The following PRKDC variants were observed in gnomAD, a reference collection of about 807,000 sequenced individuals.
PRKDC encodes DNA-dependent protein kinase catalytic subunit.
A neutral mutation model predicts 486.9 loss-of-function variants in PRKDC; 82 were observed. The observed-to-expected ratio is 0.17, with a 90% CI of 0.14 to 0.20. The LOEUF (loss-of-function observed/expected upper bound fraction) is 0.20, where lower values mean the gene tolerates loss of function less well. PRKDC is among the 10% of genes least tolerant of loss of function. The pLI is 1.00. For synonymous variants in PRKDC, 1,895 were observed against 1,837.0 expected, an observed-to-expected ratio of 1.03 and a Z score of -0.81; for missense variants, 4,504 against 5,038.2, an observed-to-expected ratio of 0.89 and a Z score of 3.21.
chr8:47,876,438 G>C (rs914656790), intron 40 of PRKDC, among the ~76,000 whole-genome samples: 2 of 152,226 alleles, frequency 1.3e-5, no homozygotes, highest in South Asian at 2.1e-4. Context: ...GAGGCAAGCA[G>C]ATCATTTGAG....
chr8:47,922,471 C>CA (rs5891258), intron 21 of PRKDC, among the ~76,000 whole-genome samples: 78,254 of 145,836 alleles, frequency 0.54, 23,441 homozygotes, highest in African/African-American at 0.83. Context: ...TATTTCGTCT[C>CA]AAAAAAAAAA....
intron 68 of PRKDC, among the ~76,000 whole-genome samples, chr8:47,816,426 CCAT>C (rs1037012638): frequency 2.0e-5 from 3 of 152,070 alleles, no homozygotes; most frequent in Admixed American, 6.6e-5. Context: ...TAAATAGAGT[CCAT>C]CATTCTGTAC....
intron 51 of PRKDC, 101 bp from the exon 52 acceptor site, chr8:47,852,885 A>C: frequency 1.3e-6 from 1 of 757,294 alleles, no homozygotes; most frequent in Non-Finnish European, 2.2e-6. Flanking sequence ...TGACAGCCTA[A>C]GTTGAGGAAA....
At chr8:47,855,450 T>C in intron 49 of PRKDC, 77 bp from the exon 50 acceptor site, 1 of 1,410,490 alleles carries the variant, frequency 7.1e-7, no homozygotes, top group South Asian at 1.4e-5. Flanking sequence ...AGTTCATTTA[T>C]AAAAGAAATC....
rs774264545 is a variant in PRKDC, at chr8:47,849,401, T to G, written c.7108A>C (p.Ser2370Arg). Residue 2370 changes from serine to arginine, a missense_variant, in exon 53 of 86, where the codon AGC (serine) becomes CGC (arginine). By Grantham distance (110) the Ser-to-Arg change is moderately radical (BLOSUM62 -1). Transcript: ENST00000314191. ...TACCTGTCTGCAAGAGGAGGGAAGC[T>G]CTTGGTCACTTTGTTCAAGCACACA... ...FIVCLNKVTKSFPPLADRFMN... is the reference protein window; with the variant it reads ...FIVCLNKVTKRFPPLADRFMN... The G allele has an allele frequency of 6.2e-7, 1 of 1,614,046 alleles. No individual in the cohort carries two copies. The highest frequency in any genetic ancestry group is 2.2e-5 in the East Asian group (1 of 44,888).
chr8:47,856,370 G>C (rs529080118), intron 49 of PRKDC, among the ~76,000 whole-genome samples: 1 of 152,174 alleles, frequency 6.6e-6, no homozygotes, highest in South Asian at 2.1e-4. Context: ...TAGGATTATA[G>C]ACATGCAGCA....
At chr8:47,811,406 T>C (rs1377027643) in intron 68 of PRKDC, among the ~76,000 whole-genome samples, 1 of 152,186 alleles carries the variant, frequency 6.6e-6, no homozygotes, top group Non-Finnish European at 1.5e-5. Flanking sequence ...TTACAAGAAC[T>C]GCTAAACGAA....
Position 47,888,705 on chromosome 8 carries a change from A to G in PRKDC, c.4281-55T>C, listed in dbSNP as rs191281751. On this transcript the variant is annotated intron_variant, in intron 33 of 85. Transcript: ENST00000314191. ...TGAGCTCTGATCTCGTTAAATTATC[A>G]AGATACACTGAAAAAAATGTTTGCA... The G allele has an allele frequency of 6.0e-6, 9 of 1,489,950 alleles. No homozygotes were observed. The Admixed American group carries it at 1.8e-4, about 29-fold the overall frequency. 92.3% of individuals were successfully genotyped at this position (1,489,950 alleles called of 1,614,324 possible). A position where few individuals can be genotyped will look rare whatever the true frequency, so the allele number is the denominator to read the frequency against.
At chr8:47,812,615 A>G (rs2087353115) in intron 68 of PRKDC, among the ~76,000 whole-genome samples, 1 of 152,232 alleles carries the variant, frequency 6.6e-6, no homozygotes, top group Admixed American at 6.5e-5. Flanking sequence ...AGGGACACAA[A>G]TAACTTTAAA....
rs532421981 is a variant in PRKDC, at chr8:47,868,079, T to C, written c.5364-3316A>G. On this transcript the variant is annotated intron_variant, in intron 40 of 85. Transcript: ENST00000314191. ...ATAATGTTTTGTGGGTGTTGCTGAA[T>C]AGCTTAATGTATCTTTAAAAATTTT... Among the ~76,000 whole-genome samples the C allele has an allele frequency of 3.9e-5, 6 of 152,314 alleles. No individual in the cohort carries two copies. In the South Asian group the frequency reaches 1.2e-3, roughly 32 times the overall value.
chr8:47,806,447 T>G (rs1452856984), intron 69 of PRKDC, among the ~76,000 whole-genome samples: 1 of 152,210 alleles, frequency 6.6e-6, no homozygotes, highest in Non-Finnish European at 1.5e-5. Flanking sequence ...TCTTACTTGA[T>G]ATTACACTCA....
rs1393084710 is a variant in PRKDC, at chr8:47,886,063, A to G, written c.4657T>C (p.Phe1553Leu). The G allele has an allele frequency of 3.1e-6, 5 of 1,613,630 alleles. No homozygotes were observed. In the Admixed American group the frequency reaches 8.3e-5, roughly 27 times the overall value. ...CTATAGAAATACTCCCCATGGGAGA[A>G]GTGGATGACGCTGCCCTGTGAGCTG... ...LGSSQGSVIH[F>L]SHGEYFYSLF... The change falls in exon 36 of 86, where the codon TTC (phenylalanine) becomes CTC (leucine). Residue 1553 changes from phenylalanine (F) to leucine (L), a missense_variant. By Grantham distance (22) the Phe-to-Leu change is conservative (BLOSUM62 0). Coordinates refer to ENST00000314191, the MANE Select transcript of PRKDC (RefSeq NM_006904.7).
intron 40 of PRKDC, among the ~76,000 whole-genome samples, chr8:47,872,149 T>C (rs1210109259): frequency 6.6e-6 from 1 of 152,176 alleles, no homozygotes; most frequent in Non-Finnish European, 1.5e-5. Context: ...GAGATTAAAG[T>C]GTATAATTTT....
intron 23 of PRKDC, 122 bp from the exon 24 acceptor site, chr8:47,914,186 C>T (rs748401556): frequency 2.5e-6 from 2 of 795,804 alleles, no homozygotes; most frequent in Non-Finnish European, 3.4e-6. Context: ...TGAAGCACTT[C>T]ATTCATCTTT....
At chr8:47,818,615 T>C (rs1051825889) in intron 67 of PRKDC, among the ~76,000 whole-genome samples, 7 of 148,718 alleles carry the variant, frequency 4.7e-5, no homozygotes, top group African/African-American at 1.7e-4. Context: ...CTAGGTAATA[T>C]TGATAAAGAG....
chr8:47,915,063 G>T (rs915035754), intron 23 of PRKDC, among the ~76,000 whole-genome samples: 3 of 152,136 alleles, frequency 2.0e-5, no homozygotes, highest in Non-Finnish European at 4.4e-5. Flanking sequence ...CACTAATATG[G>T]AAAAGAGTAT....
At chr8:47,875,565 C>T (rs752558373) in intron 40 of PRKDC, among the ~76,000 whole-genome samples, 2 of 152,134 alleles carry the variant, frequency 1.3e-5, no homozygotes, top group Non-Finnish European at 2.9e-5. Context: ...ACAAATTTCC[C>T]TCTGAACACC....
At chr8:47,784,115 G>A (rs868031086) in intron 77 of PRKDC, 5 of 263,436 alleles carry the variant, frequency 1.9e-5, no homozygotes, top group Middle Eastern at 2.7e-3. Context: ...AAAATTGGCC[G>A]GGTGTGGTGG....
intron 16 of PRKDC, 144 bp downstream of exon 16, chr8:47,932,876 T>G (rs910771514): frequency 1.7e-6 from 1 of 580,830 alleles, no homozygotes; most frequent in Non-Finnish European, 2.9e-6. Flanking sequence ...CCAACAGAAA[T>G]GCATCAGTGG....
Sources: allele counts gnomAD v4.1 joint callset (sites outside exome capture counted in the v4.1 genomes callset), GRCh38; gene constraint gnomAD v4.1.1; transcripts MANE v1.5; gene names NCBI Gene and HGNC (gene_info 2026-07-23, HGNC 2026-07-21).